The following SUPT3H variants were observed in gnomAD, a reference collection of about 807,000 sequenced individuals.
SUPT3H encodes transcription initiation protein SPT3 homolog.
A neutral mutation model predicts 44.3 loss-of-function variants in SUPT3H; 44 were observed. That is an observed-to-expected ratio of 0.99 (90% CI 0.78 to 1.28). SUPT3H has a LOEUF of 1.28. Among genes scored for constraint, SUPT3H ranks in the 50% most tolerant of loss-of-function variants. The pLI is 0.00. For missense variants in SUPT3H, 380 were observed against 387.1 expected, an observed-to-expected ratio of 0.98 and a Z score of 0.15; for synonymous variants, 124 against 125.6, an observed-to-expected ratio of 0.99 and a Z score of 0.09.
intron 2 of SUPT3H, among the ~76,000 whole-genome samples, chr6:45,152,065 G>A (rs112538414): frequency 5.1e-4 from 78 of 152,074 alleles, no homozygotes; most frequent in African/African-American, 1.7e-3. Context: ...TCTATAAGCC[G>A]ATTCCCAAAC....
At chr6:45,372,970 G>C (rs779137391) in intron 1 of SUPT3H, among the ~76,000 whole-genome samples, 1 of 151,988 alleles carries the variant, frequency 6.6e-6, no homozygotes, top group African/African-American at 2.4e-5. Context: ...CAAGACACGC[G>C]GCTAATTTTT....
intron 2 of SUPT3H, among the ~76,000 whole-genome samples, chr6:45,194,094 G>A (rs939808112): frequency 2.0e-5 from 3 of 151,962 alleles, no homozygotes; most frequent in Non-Finnish European, 4.4e-5. Context: ...GCCTTTACAC[G>A]GTCTATGTGG....
intron 2 of SUPT3H, among the ~76,000 whole-genome samples, chr6:45,169,324 A>G (rs1810414007): frequency 6.6e-6 from 1 of 152,176 alleles, no homozygotes. Context: ...TCTTCTGGGG[A>G]AATAAAAATC....
chr6:45,142,800 A>C (rs1029943018), intron 2 of SUPT3H, among the ~76,000 whole-genome samples: 3 of 149,790 alleles, frequency 2.0e-5, no homozygotes, highest in African/African-American at 7.3e-5. Context: ...CCACTAACCA[A>C]GTATCTACTG....
intron 10 of SUPT3H, chr6:44,898,570 A>G (rs1284372384): frequency 1.3e-5 from 2 of 152,226 alleles, no homozygotes; most frequent in African/African-American, 4.8e-5. Flanking sequence ...AGAAATCACC[A>G]TATAAGTGGT....
intron 3 of SUPT3H, among the ~76,000 whole-genome samples, chr6:45,032,416 A>G (rs1406259065): frequency 6.6e-6 from 1 of 152,134 alleles, no homozygotes; most frequent in Non-Finnish European, 1.5e-5. Flanking sequence ...GAGAACTATA[A>G]AACACTATAC....
chr6:45,344,936 T>A (rs2077120585), intron 2 of SUPT3H, among the ~76,000 whole-genome samples: 1 of 152,148 alleles, frequency 6.6e-6, no homozygotes, highest in Non-Finnish European at 1.5e-5. Flanking sequence ...GTAGTTGCCA[T>A]GGACTATGCT....
chr6:44,913,324 T>C (rs1043764995), intron 10 of SUPT3H, among the ~76,000 whole-genome samples: 2 of 152,206 alleles, frequency 1.3e-5, no homozygotes, highest in Non-Finnish European at 1.5e-5. Context: ...TTGGCTTTTA[T>C]TTGGCATAAT....
intron 10 of SUPT3H, among the ~76,000 whole-genome samples, chr6:44,849,057 C>T (rs1449541455): frequency 6.6e-6 from 1 of 152,164 alleles, no homozygotes; most frequent in Admixed American, 6.5e-5. Flanking sequence ...GCACTGGGTA[C>T]CATACATGGG....
At chr6:45,102,726 A>C (rs549786934) in intron 3 of SUPT3H, among the ~76,000 whole-genome samples, 1 of 152,062 alleles carries the variant, frequency 6.6e-6, no homozygotes, top group Non-Finnish European at 1.5e-5. Flanking sequence ...CAGATCCCTC[A>C]GGTCAGGTGT....
intron 3 of SUPT3H, among the ~76,000 whole-genome samples, chr6:45,062,186 TA>T (rs1792206866): frequency 6.6e-6 from 1 of 152,096 alleles, no homozygotes; most frequent in South Asian, 2.1e-4. Flanking sequence ...CAGTCCATAA[TA>T]AAGTTGTTGT....
In SUPT3H at chr6:44,985,330, G is replaced by C. The variant is rs185452040; in HGVS notation, c.504+18323C>G. Reference sequence around the variant, plus strand: ...GAGGATCGCTTGAGCTCAGTTCAAGGATGCAGTGTGCTACGATGGCACCAC... The same window carrying C: ...GAGGATCGCTTGAGCTCAGTTCAAGCATGCAGTGTGCTACGATGGCACCAC... On this transcript the variant is annotated intron_variant, in intron 6 of 10. Coordinates refer to ENST00000371459, the MANE Select transcript of SUPT3H (RefSeq NM_003599.4). Among the ~76,000 whole-genome samples, 128 of 152,128 alleles carry C rather than the reference G, an allele frequency of 8.4e-4. 1 individual carries two copies. The highest frequency in any genetic ancestry group is 3.5e-4 in the Non-Finnish European group (24 of 67,990).
At chr6:44,952,629 T>C (rs1223616319) in intron 9 of SUPT3H, among the ~76,000 whole-genome samples, 1 of 152,198 alleles carries the variant, frequency 6.6e-6, no homozygotes, top group Admixed American at 6.5e-5. Flanking sequence ...TTTTTGTTAG[T>C]GAAAAGGGTC....
intron 10 of SUPT3H, among the ~76,000 whole-genome samples, chr6:44,836,035 T>C (rs1198189692): frequency 6.6e-6 from 1 of 152,174 alleles, no homozygotes; most frequent in East Asian, 1.9e-4. Context: ...AGCTATGCAA[T>C]CGCTTTTTAA....
rs1799645299 is a variant in SUPT3H, at chr6:45,108,778, A to G, written c.102-2772T>C. On this transcript the variant is annotated intron_variant, in intron 2 of 10. Coordinates refer to ENST00000371459, the MANE Select transcript of SUPT3H (RefSeq NM_003599.4). Reference sequence around the variant, plus strand: ...CTTTAAGAACCAGATCAATATAAGGATAACTATTATCACCACTTTCAGTCA... The same window carrying G: ...CTTTAAGAACCAGATCAATATAAGGGTAACTATTATCACCACTTTCAGTCA... Among the ~76,000 whole-genome samples the G allele has an allele frequency of 2.0e-5, 3 of 152,158 alleles. No individual in the cohort carries two copies. The South Asian group carries it at 6.2e-4, about 31-fold the overall frequency.
chr6:44,880,030 T>C (rs1777958643), intron 10 of SUPT3H, among the ~76,000 whole-genome samples: 2 of 151,900 alleles, frequency 1.3e-5, no homozygotes, highest in East Asian at 3.9e-4. Context: ...CTCCAAAAAA[T>C]CACAACTCCT....
chr6:45,169,755 T>C (rs1055887893), intron 2 of SUPT3H, among the ~76,000 whole-genome samples: 14 of 152,240 alleles, frequency 9.2e-5, no homozygotes, highest in African/African-American at 3.1e-4. Context: ...TGTAGTTTTA[T>C]TATTTTCTAG....
In SUPT3H at chr6:45,078,564, C is replaced by T. The variant is rs187757924; in HGVS notation, c.186+27358G>A. On this transcript the variant is annotated intron_variant, in intron 3 of 10. Coordinates refer to ENST00000371459, the MANE Select transcript of SUPT3H (RefSeq NM_003599.4). ...CTCACCTTTTTATTTCCTGTTGTAG[C>T]ATTCCTTTAAGAATTTCTTGTAAGT... 3.1e-3 allele frequency among the ~76,000 whole-genome samples: 466 copies of T among 152,272 alleles called. 2 individuals are homozygous for T. The highest frequency in any genetic ancestry group is 8.3e-3 in the African/African-American group (343 of 41,546).
chr6:44,854,944 T>A (rs1393892261), intron 10 of SUPT3H, among the ~76,000 whole-genome samples: 3 of 152,164 alleles, frequency 2.0e-5, no homozygotes, highest in Non-Finnish European at 4.4e-5. Flanking sequence ...AATTTCCTTA[T>A]CTAAAAGATA....
Sources: allele counts gnomAD v4.1 joint callset (sites outside exome capture counted in the v4.1 genomes callset), GRCh38; gene constraint gnomAD v4.1.1; transcripts MANE v1.5; gene names NCBI Gene and HGNC (gene_info 2026-07-23, HGNC 2026-07-21).